Variants in ANKRD27 observed in about 807,000 individuals in gnomAD.
ANKRD27 encodes ankyrin repeat domain-containing protein 27.
Under a neutral mutation model 129.7 loss-of-function variants are expected in ANKRD27, and 112 were observed. The ratio of observed to expected loss-of-function variants is 0.86; its 90% CI spans 0.74 to 1.01. The LOEUF is 1.01. Ranked by LOEUF, ANKRD27 falls within the 50% of genes least tolerant of loss-of-function variation. The probability of loss-of-function intolerance (pLI) is 0.00; values close to 1 mark genes in which losing one functional copy is unlikely to be tolerated. For missense variants in ANKRD27, 1,258 were observed against 1,300.5 expected (o/e 0.97, Z 0.50); for synonymous variants, 516 against 511.2 (o/e 1.01, Z -0.13).
At chr19:32,674,572 C>G (rs1311364807) in intron 1 of ANKRD27, among the ~76,000 whole-genome samples, 2 of 11,676 alleles carry the variant, frequency 1.7e-4, no homozygotes, top group South Asian at 1.1e-3. Flanking sequence ...AATGCAGAGA[C>G]CCCCCCGCCC....
chr19:32,606,772 T>TA (rs1405840023), intron 23 of ANKRD27, among the ~76,000 whole-genome samples: 12 of 151,794 alleles, frequency 7.9e-5, no homozygotes, highest in Non-Finnish European at 2.9e-5. Flanking sequence ...GTAGAACTGA[T>TA]AAAGGAAAAT....
rs34734065 is a variant in ANKRD27 at position 32,607,144 on chromosome 19, TA to T, written c.2373+490del. Reference sequence around the variant, plus strand: ...TGGGAGACAGAGCAAGGTGATGTCTTAAAAAAAAAAAAAAAAAAAAAAGGCA... The same window carrying T: ...TGGGAGACAGAGCAAGGTGATGTCTTAAAAAAAAAAAAAAAAAAAAAGGCA... On this transcript the variant is annotated intron_variant, in intron 23 of 28. Transcript: ENST00000306065. Among the ~76,000 whole-genome samples, 802 of 94,300 alleles carry T rather than the reference TA, an allele frequency of 8.5e-3. 7 individuals carry two copies. The highest frequency in any genetic ancestry group is 0.025 in the African/African-American group (539 of 21,860). 61.9% of individuals were successfully genotyped at this position (94,300 alleles called of 152,430 possible).
chr19:32,654,878 T>A (rs1967490000), intron 2 of ANKRD27: 1 of 152,188 alleles, frequency 6.6e-6, no homozygotes, highest in African/African-American at 2.4e-5. Context: ...GCCTCCAAGG[T>A]ACAATAGATT....
At chr19:32,633,152 GTC>G (rs928246993) in intron 12 of ANKRD27, among the ~76,000 whole-genome samples, 3 of 152,136 alleles carry the variant, frequency 2.0e-5, no homozygotes, top group African/African-American at 7.2e-5. Flanking sequence ...AGACAGGTAG[GTC>G]TCCCAAGACT....
rs569133001 is a variant in ANKRD27 at position 32,658,270 on chromosome 19, G to A, written c.102+644C>T. On this transcript the variant is annotated intron_variant, in intron 2 of 28. Transcript: ENST00000306065. ...CCAGTGCCGTCTAAGTAGGATGCCC[G>A]CCAAGTTCACTGACCTGAGAACTGG... Among the ~76,000 whole-genome samples, 24 of 152,268 alleles carry A rather than the reference G, an allele frequency of 1.6e-4. No individual in the cohort carries two copies. In the South Asian group the frequency reaches 3.9e-3, roughly 25 times the overall value.
In ANKRD27 at chr19:32,627,399, TTTATTTATTTA is replaced by T. The variant is rs1276397187; in HGVS notation, c.1421-583_1421-573del. On this transcript the variant is annotated intron_variant, in intron 15 of 28. Coordinates refer to ENST00000306065, the MANE Select transcript of ANKRD27 (RefSeq NM_032139.3). ...ATTTATTTATTTATTTATTTATTTA[TTTATTTATTTA>T]TTTTTTGAGACAGAGTCTCACTCAG... Among the ~76,000 whole-genome samples the T allele has an allele frequency of 1.1e-3, 43 of 39,094 alleles. 3 individuals carry two copies. Among genetic ancestry groups the T allele is most frequent in the Admixed American group, 4.8e-3 (23 of 4,752 alleles). 25.6% of individuals were successfully genotyped at this position (39,094 alleles called of 152,430 possible).
At chr19:32,603,697 C>A (rs1971686318) in intron 25 of ANKRD27, among the ~76,000 whole-genome samples, 2 of 149,042 alleles carry the variant, frequency 1.3e-5, no homozygotes, top group South Asian at 4.3e-4. Context: ...CACCCCTATG[C>A]TCGGCTGATT....
intron 19 of ANKRD27, 52 bp downstream of exon 19, chr19:32,619,442 A>T (rs1971974458): frequency 1.2e-6 from 2 of 1,613,798 alleles, no homozygotes. Flanking sequence ...GGACCAGAGA[A>T]GGCGCCCTTG....
chr19:32,610,671 A>G (rs1460459948), intron 22 of ANKRD27, among the ~76,000 whole-genome samples: 1 of 152,108 alleles, frequency 6.6e-6, no homozygotes, highest in East Asian at 1.9e-4. Flanking sequence ...ATGCACCTGT[A>G]GTCCCAGCTA....
Position 32,646,354 on chromosome 19 carries a change from C to G in ANKRD27, c.370+105G>C, listed in dbSNP as rs1469346880. ...AAAGTGCAGGGATTACAGGCGCGAG[C>G]CACCATACCCGGCCTTGTTTAACCT... On this transcript the variant is annotated intron_variant, in intron 4 of 28. Transcript: ENST00000306065. 25 of 1,194,744 alleles carry G rather than the reference C, an allele frequency of 2.1e-5. No homozygotes were observed. In the East Asian group the frequency reaches 5.8e-4, roughly 28 times the overall value. 74.0% of individuals were successfully genotyped at this position (1,194,744 alleles called of 1,614,324 possible). A position where few individuals can be genotyped will look rare whatever the true frequency, so the allele number is the denominator to read the frequency against.
intron 24 of ANKRD27, among the ~76,000 whole-genome samples, chr19:32,604,994 C>A (rs569545819): frequency 6.6e-6 from 1 of 152,240 alleles, no homozygotes; most frequent in African/African-American, 2.4e-5. Context: ...ATCGCTTGAA[C>A]CCCGGAGGCA....
At chr19:32,609,451 C>T (rs182845568) in intron 22 of ANKRD27, among the ~76,000 whole-genome samples, 68 of 152,276 alleles carry the variant, frequency 4.5e-4, no homozygotes, top group Non-Finnish European at 7.3e-4. Flanking sequence ...AATGAAACAA[C>T]AAATTCTGGT....
intron 1 of ANKRD27, chr19:32,673,223 G>A: frequency 2.2e-6 from 2 of 911,668 alleles, no homozygotes; most frequent in East Asian, 1.2e-4. Flanking sequence ...GCAAGACTGG[G>A]TGTAACTTGG....
chr19:32,603,496 G>A (rs1050122293), intron 25 of ANKRD27, among the ~76,000 whole-genome samples: 1 of 152,328 alleles, frequency 6.6e-6, no homozygotes, highest in South Asian at 2.1e-4. Flanking sequence ...CACAGCACTG[G>A]AGAAGGCAGT....
In ANKRD27 at chr19:32,604,428, G is replaced by A; in HGVS notation, c.2494-4C>T. 1 of 1,593,622 alleles carries A rather than the reference G, an allele frequency of 6.3e-7. No homozygotes were observed. Among genetic ancestry groups the A allele is most frequent in the Non-Finnish European group, 8.6e-7 (1 of 1,164,380 alleles). On this transcript the variant is annotated splice_region_variant and splice_polypyrimidine_tract_variant and intron_variant, in intron 24 of 28. Transcript: ENST00000306065. Reference sequence around the variant, plus strand: ...AAGCGTTAATGGAGGCCCCGTGCTGGAAAGAGAAACCACACGATCAAAAGG... The same window carrying A: ...AAGCGTTAATGGAGGCCCCGTGCTGAAAAGAGAAACCACACGATCAAAAGG...
chr19:32,642,857 G>A (rs1967226990), intron 9 of ANKRD27, among the ~76,000 whole-genome samples: 1 of 152,198 alleles, frequency 6.6e-6, no homozygotes, highest in African/African-American at 2.4e-5. Flanking sequence ...CAAATTACAT[G>A]CCCACTTGGG....
At chr19:32,629,454 C>T (rs908842116) in intron 13 of ANKRD27, among the ~76,000 whole-genome samples, 6 of 151,874 alleles carry the variant, frequency 4.0e-5, no homozygotes, top group African/African-American at 1.4e-4. Flanking sequence ...AATCCCAGCA[C>T]TTTGGGAGGC....
chr19:32,674,625 A>T (rs954160779), intron 1 of ANKRD27, among the ~76,000 whole-genome samples: 4 of 151,660 alleles, frequency 2.6e-5, no homozygotes, highest in African/African-American at 9.7e-5. Flanking sequence ...CCGCGCCCTC[A>T]TCACCCCCCG....
intron 25 of ANKRD27, among the ~76,000 whole-genome samples, chr19:32,603,234 G>A (rs1473320474): frequency 6.6e-6 from 1 of 152,110 alleles, no homozygotes; most frequent in East Asian, 1.9e-4. Context: ...GGAGGCAGAG[G>A]TTGCAGTGAG....
Sources: allele counts gnomAD v4.1 joint callset (sites outside exome capture counted in the v4.1 genomes callset), GRCh38; gene constraint gnomAD v4.1.1; transcripts MANE v1.5; gene names NCBI Gene and HGNC (gene_info 2026-07-23, HGNC 2026-07-21).